Variants in RINT1 observed in about 807,000 individuals in gnomAD.
RINT1 encodes the protein RAD50-interacting protein 1.
RINT1 carries 75 observed loss-of-function variants against 97.7 expected under a neutral mutation model. That is an observed-to-expected ratio of 0.77 (90% CI 0.64 to 0.93). The LOEUF (loss-of-function observed/expected upper bound fraction) is 0.93, where lower values mean the gene tolerates loss of function less well. Among genes scored for constraint, RINT1 ranks in the 40% least tolerant of loss-of-function variants. RINT1 has a pLI of 0.00. For missense variants in RINT1, 892 were observed against 925.2 expected (o/e 0.96, Z 0.47); for synonymous variants, 303 against 326.3 (o/e 0.93, Z 0.77).
At chr7:105,557,964 A>G (rs1273371415) in intron 11 of RINT1, among the ~76,000 whole-genome samples, 2 of 152,180 alleles carry the variant, frequency 1.3e-5, no homozygotes, top group African/African-American at 4.8e-5. Flanking sequence ...GGAAAATAAA[A>G]CAATTATTTC....
chr7:105,564,454 T>G (rs1218651940), intron 12 of RINT1, among the ~76,000 whole-genome samples: 1 of 152,168 alleles, frequency 6.6e-6, no homozygotes, highest in Non-Finnish European at 1.5e-5. Context: ...GGATAGTGTG[T>G]GATCTGGGGT....
chr7:105,542,221 A>G (rs1031531156), intron 3 of RINT1, 187 bp from the exon 4 acceptor site: 3 of 569,922 alleles, frequency 5.3e-6, no homozygotes, highest in Non-Finnish European at 6.2e-6. Context: ...TGTAGTCCCA[A>G]CTACTGGGGA....
At chr7:105,564,072 A>G in intron 12 of RINT1, 125 bp downstream of exon 12, 1 of 665,202 alleles carries the variant, frequency 1.5e-6, no homozygotes, top group Non-Finnish European at 2.6e-6. Flanking sequence ...GTTGATGGAA[A>G]TATTTCTAAA....
At chr7:105,555,301 G>T in intron 11 of RINT1, 74 bp downstream of exon 11, 1 of 1,254,394 alleles carries the variant, frequency 8.0e-7, no homozygotes, top group Non-Finnish European at 1.1e-6. Flanking sequence ...TCAAAATGTT[G>T]AATCTATTGC....
intron 11 of RINT1, among the ~76,000 whole-genome samples, chr7:105,558,289 G>A (rs1791272989): frequency 1.4e-5 from 1 of 71,020 alleles, no homozygotes; most frequent in African/African-American, 4.7e-5. Context: ...GAGCAAAACA[G>A]TCTCAAAAAA....
intron 10 of RINT1, among the ~76,000 whole-genome samples, chr7:105,553,494 G>A (rs1174877777): frequency 2.0e-5 from 3 of 151,332 alleles, no homozygotes. Flanking sequence ...GCTGAGGTGG[G>A]CAGGTCACGA....
chr7:105,554,133 C>T lies in RINT1; in HGVS notation c.1472-895C>T, dbSNP rs74637735. 5.7e-3 allele frequency among the ~76,000 whole-genome samples: 868 copies of T among 151,232 alleles called. 15 individuals are homozygous for T. Among genetic ancestry groups the T allele is most frequent in the East Asian group, 0.036 (180 of 5,042 alleles). ...CAGGATGGTATTGATCTTCTGACCT[C>T]GTGATCCACCCGCCTCAGCCTCCCA... On this transcript the variant is annotated intron_variant, in intron 10 of 14. Coordinates refer to ENST00000257700, the MANE Select transcript of RINT1 (RefSeq NM_021930.6).
In RINT1 at chr7:105,547,063, T is replaced by C. The variant is rs1790697811; in HGVS notation, c.669T>C (p.Ile223=). 6.2e-7 allele frequency: 1 copy of C among 1,613,712 alleles called. No individual in the cohort carries two copies. The change falls in exon 5 of 15, where the codon ATT becomes ATC. Residue 223 remains isoleucine, a synonymous_variant. Transcript: ENST00000257700. ...MRATVKFWHK[I]LKDKLTSDFE... The stretch of plus-strand genomic sequence containing the variant: ...CCACAGTTAAATTCTGGCATAAAAT[T>C]CTCAAGGACAAGCTTACAAGGTAGG...
intron 4 of RINT1, among the ~76,000 whole-genome samples, chr7:105,543,183 T>C (rs1226666461): frequency 6.6e-6 from 1 of 152,066 alleles, no homozygotes; most frequent in Non-Finnish European, 1.5e-5. Context: ...AGCTACCGCG[T>C]CCGGCCAAAC....
rs771659321 is a variant in RINT1, at chr7:105,565,585, T to C, written c.2123T>C (p.Met708Thr). Residue 708 changes from methionine to threonine, a missense_variant, in exon 14 of 15, where the codon ATG (methionine) becomes ACG (threonine). Transcript: ENST00000257700. ...GGAGCAGCCCAGCTGCAGTTTGATA[T>C]GACTCGGAATCTTTTCCCTTTGTTT... ...EGGAAQLQFD[M>T]TRNLFPLFSH... 2 of 1,614,054 alleles carry C rather than the reference T, an allele frequency of 1.2e-6. No homozygotes were observed. The highest frequency in any genetic ancestry group is 2.2e-5 in the South Asian group (2 of 91,072).
At chr7:105,565,852 T>G (rs1791705523) in intron 14 of RINT1, among the ~76,000 whole-genome samples, 1 of 152,218 alleles carries the variant, frequency 6.6e-6, no homozygotes, top group South Asian at 2.1e-4. Flanking sequence ...GTTTCAGAAC[T>G]AGATATAAAT....
intron 3 of RINT1, among the ~76,000 whole-genome samples, chr7:105,540,838 CTTTT>C (rs56336226): frequency 3.0e-5 from 4 of 134,216 alleles, no homozygotes; most frequent in Admixed American, 7.5e-5. Context: ...TCTTTGTTTC[CTTTT>C]TTTTTTTTTT....
At chr7:105,532,495 T>C (rs913994030) in intron 1 of RINT1, 138 bp downstream of exon 1, 4 of 963,802 alleles carry the variant, frequency 4.2e-6, no homozygotes, top group East Asian at 2.6e-5. Context: ...TTAGAGGCCC[T>C]TGTAAGACCT....
Position 105,555,030 on chromosome 7 carries a change from A to G in RINT1, c.1474A>G (p.Arg492Gly). The G allele has an allele frequency of 6.2e-7, 1 of 1,612,502 alleles. No individual in the cohort carries two copies. The highest frequency in any genetic ancestry group is 8.5e-7 in the Non-Finnish European group (1 of 1,179,392). ...FMTLLLVITDRYKNLPTASRK... is the reference protein window; with the variant it reads ...FMTLLLVITDGYKNLPTASRK... ...TGTCTTAATAACTTTTTCCACAGACAGGTATAAAAATCTTCCCACAGCTTC... is the reference window on the plus strand; with the variant it reads ...TGTCTTAATAACTTTTTCCACAGACGGGTATAAAAATCTTCCCACAGCTTC... Residue 492 changes from arginine to glycine, a missense_variant and splice_region_variant, in exon 11 of 15, where the codon AGG becomes GGG. Physicochemically the swap from Arg to Gly is moderately radical, Grantham distance 125. Transcript: ENST00000257700.
Position 105,554,060 on chromosome 7 carries a change from G to A in RINT1, c.1472-968G>A, listed in dbSNP as rs561543747. On this transcript the variant is annotated intron_variant, in intron 10 of 14. Coordinates refer to ENST00000257700, the MANE Select transcript of RINT1 (RefSeq NM_021930.6). Reference sequence around the variant, plus strand: ...ACTACAGGCACCCGCCACCACACTCGGCTAATTTTTTGTATTTTTAGTAGA... The same window carrying A: ...ACTACAGGCACCCGCCACCACACTCAGCTAATTTTTTGTATTTTTAGTAGA... 6.6e-5 allele frequency among the ~76,000 whole-genome samples: 10 copies of A among 151,514 alleles called. No homozygotes were observed. The East Asian group carries it at 1.8e-3, about 27-fold the overall frequency.
At chr7:105,547,400 G>A in intron 6 of RINT1, 67 bp downstream of exon 6, 3 of 1,532,878 alleles carry the variant, frequency 2.0e-6, no homozygotes, top group Non-Finnish European at 2.7e-6. Flanking sequence ...TGGCTAGAGA[G>A]TAAAACTTTT....
intron 11 of RINT1, among the ~76,000 whole-genome samples, chr7:105,561,996 A>G (rs1252858236): frequency 6.6e-6 from 1 of 152,242 alleles, no homozygotes; most frequent in Non-Finnish European, 1.5e-5. Flanking sequence ...ATATATATAT[A>G]GTGAAAATAA....
chr7:105,567,578 A>G lies in RINT1; in HGVS notation c.*267A>G, dbSNP rs1055516221. 4.9e-6 allele frequency: 3 copies of G among 609,652 alleles called. No individual in the cohort carries two copies. The highest frequency in any genetic ancestry group is 1.9e-5 in the African/African-American group (1 of 53,528). 37.8% of individuals were successfully genotyped at this position (609,652 alleles called of 1,614,324 possible). A position where few individuals can be genotyped will look rare whatever the true frequency, so the allele number is the denominator to read the frequency against. ...CTGAGTATGTCTGTTGAAGACGAGC[A>G]GAGATATTAAATTATAACCAACTTT... is the stretch of plus-strand genomic sequence containing the variant. On this transcript the variant is annotated 3_prime_UTR_variant, in exon 15 of 15. Transcript: ENST00000257700.
At chr7:105,536,447 C>A in intron 2 of RINT1, 118 bp from the exon 3 acceptor site, 1 of 676,714 alleles carries the variant, frequency 1.5e-6, no homozygotes, top group Non-Finnish European at 2.4e-6. Flanking sequence ...GTGTGAGCCA[C>A]CGTGCCTGGC....
Sources: gnomAD v4.1 joint callset for allele counts (sites outside exome capture counted in the v4.1 genomes callset) on GRCh38, gnomAD v4.1.1 for gene constraint, MANE v1.5 for transcripts, NCBI Gene and HGNC (gene_info 2026-07-23, HGNC 2026-07-21) for gene names.